MAPK8: variants seen among roughly 807,000 people sequenced by gnomAD.
MAPK8 encodes mitogen-activated protein kinase 8.
A neutral mutation model predicts 52.9 loss-of-function variants in MAPK8; 13 were observed. The observed-to-expected ratio is 0.25, with a 90% confidence interval of 0.16 to 0.39. The LOEUF is 0.39. Among genes scored for constraint, MAPK8 ranks in the 10% least tolerant of loss-of-function variants. The pLI is 1.00. For synonymous variants in MAPK8, 191 were observed against 169.8 expected (o/e 1.12, Z -0.97); for missense variants, 300 against 519.2 (o/e 0.58, Z 4.10).
intron 1 of MAPK8, among the ~76,000 whole-genome samples, chr10:48,321,452 C>A (rs1465666576): frequency 6.6e-6 from 1 of 152,110 alleles, no homozygotes; most frequent in Non-Finnish European, 1.5e-5. Context: ...ATATTTTCTC[C>A]TGTTTCAGAG....
chr10:48,405,068 G>T, intron 3 of MAPK8, 87 bp downstream of exon 3: 1 of 688,476 alleles, frequency 1.5e-6, no homozygotes, highest in Non-Finnish European at 2.3e-6. Flanking sequence ...AATATTAGGG[G>T]CTTTAAATTG....
At chr10:48,396,835 T>C (rs1255716193) in intron 1 of MAPK8, among the ~76,000 whole-genome samples, 2 of 152,238 alleles carry the variant, frequency 1.3e-5, no homozygotes, top group Non-Finnish European at 2.9e-5. Context: ...TGTCTTCTTA[T>C]GAGTTTTAAG....
intron 1 of MAPK8, among the ~76,000 whole-genome samples, chr10:48,382,777 A>G (rs756410158): frequency 3.6e-4 from 53 of 147,254 alleles, no homozygotes; most frequent in Non-Finnish European, 6.0e-4. Context: ...TATATATTAT[A>G]TATCTTTATA....
chr10:48,356,725 C>A (rs1846981110), intron 1 of MAPK8, among the ~76,000 whole-genome samples: 1 of 151,136 alleles, frequency 6.6e-6, no homozygotes, highest in Non-Finnish European at 1.5e-5. Context: ...GCCTGTAATC[C>A]CAGCTGCTTG....
intron 1 of MAPK8, among the ~76,000 whole-genome samples, chr10:48,356,099 G>C (rs1846905655): frequency 6.6e-6 from 1 of 152,174 alleles, no homozygotes; most frequent in Non-Finnish European, 1.5e-5. Flanking sequence ...CAGGAGGCCA[G>C]AGATACAAGA....
intron 1 of MAPK8, among the ~76,000 whole-genome samples, chr10:48,328,358 C>CT (rs1018544040): frequency 8.8e-5 from 13 of 147,502 alleles, no homozygotes; most frequent in African/African-American, 3.3e-4. Context: ...GACTGTAATT[C>CT]TTTTTTTTCT....
At chr10:48,326,410 T>C (rs111277146) in intron 1 of MAPK8, among the ~76,000 whole-genome samples, 294 of 152,284 alleles carry the variant, frequency 1.9e-3, no homozygotes, top group African/African-American at 6.6e-3. Flanking sequence ...AGCACTTACT[T>C]TCTGGCACTG....
intron 1 of MAPK8, among the ~76,000 whole-genome samples, chr10:48,315,719 GCCCC>G (rs1275134518): frequency 6.7e-6 from 1 of 149,014 alleles, no homozygotes; most frequent in Non-Finnish European, 1.5e-5. Flanking sequence ...TAAATAATAA[GCCCC>G]CTGTAGAATA....
At chr10:48,398,652 A>G (rs779703283) in intron 1 of MAPK8, among the ~76,000 whole-genome samples, 2 of 152,258 alleles carry the variant, frequency 1.3e-5, no homozygotes, top group Admixed American at 6.5e-5. Context: ...AAAACTGTAA[A>G]CAGTTGAAAT....
At chr10:48,433,509 A>G (rs2044545510) in intron 11 of MAPK8, among the ~76,000 whole-genome samples, 1 of 152,060 alleles carries the variant, frequency 6.6e-6, no homozygotes. Context: ...AAGCTAATGG[A>G]CCTTTCTTGG....
At chr10:48,409,064 G>C (rs961006368) in intron 3 of MAPK8, among the ~76,000 whole-genome samples, 12 of 152,142 alleles carry the variant, frequency 7.9e-5, no homozygotes, top group Admixed American at 7.2e-4. Context: ...TTGGGTGCTA[G>C]GAGTTAAACA....
intron 6 of MAPK8, among the ~76,000 whole-genome samples, chr10:48,423,615 A>G (rs569926802): frequency 2.0e-5 from 3 of 152,254 alleles, no homozygotes; most frequent in East Asian, 3.9e-4. Context: ...ATTCATAGAG[A>G]TTATTTCTGT....
chr10:48,318,963 G>T (rs1350177047), intron 1 of MAPK8, among the ~76,000 whole-genome samples: 1 of 152,216 alleles, frequency 6.6e-6, no homozygotes, highest in Non-Finnish European at 1.5e-5. Flanking sequence ...TGAGAATTCA[G>T]AGAATAATAG....
At chr10:48,393,466 A>T (rs1290100353) in intron 1 of MAPK8, among the ~76,000 whole-genome samples, 3 of 152,142 alleles carry the variant, frequency 2.0e-5, no homozygotes, top group African/African-American at 4.8e-5. Context: ...TGTAAGATGG[A>T]AAAAATGTAG....
At chr10:48,336,592 A>G (rs1844712623) in intron 1 of MAPK8, among the ~76,000 whole-genome samples, 3 of 152,198 alleles carry the variant, frequency 2.0e-5, no homozygotes, top group Non-Finnish European at 2.9e-5. Flanking sequence ...ATATTTATTC[A>G]TCAGTTCATT....
rs1361091982 is a variant in MAPK8, at chr10:48,438,411, T to C, written c.*3382T>C. Reference sequence around the variant, plus strand: ...AGAAATGTATAGTTTGGGGTACGATTAGAAAACTCGTAAGGAAAACAGAAG... The same window carrying C: ...AGAAATGTATAGTTTGGGGTACGATCAGAAAACTCGTAAGGAAAACAGAAG... On this transcript the variant is annotated 3_prime_UTR_variant, in exon 12 of 12. Transcript: ENST00000374189. 1 of 152,248 alleles carries C rather than the reference T, an allele frequency of 6.6e-6. No individual in the cohort carries two copies. Among genetic ancestry groups the C allele is most frequent in the Non-Finnish European group, 1.5e-5 (1 of 68,046 alleles). 9.4% of individuals were successfully genotyped at this position (152,248 alleles called of 1,614,324 possible). A position where few individuals can be genotyped will look rare whatever the true frequency, so the allele number is the denominator to read the frequency against.
intron 10 of MAPK8, chr10:48,430,898 A>G (rs1589299466): frequency 2.4e-6 from 1 of 410,284 alleles, no homozygotes; most frequent in East Asian, 5.6e-5. Context: ...CTGTAGCACA[A>G]GTTGCTGGTA....
intron 1 of MAPK8, among the ~76,000 whole-genome samples, chr10:48,328,737 A>T (rs1229778286): frequency 6.6e-6 from 1 of 152,248 alleles, no homozygotes; most frequent in Non-Finnish European, 1.5e-5. Flanking sequence ...TCTTAAAAAC[A>T]GAACATTTTC....
intron 1 of MAPK8, among the ~76,000 whole-genome samples, chr10:48,361,450 C>T (rs1157290943): frequency 6.6e-6 from 1 of 152,120 alleles, no homozygotes; most frequent in Non-Finnish European, 1.5e-5. Flanking sequence ...GACCTCATGT[C>T]CTTTTCTAGG....
Sources: allele counts gnomAD v4.1 joint callset (sites outside exome capture counted in the v4.1 genomes callset), GRCh38; gene constraint gnomAD v4.1.1; transcripts MANE v1.5; gene names NCBI Gene and HGNC (gene_info 2026-07-23, HGNC 2026-07-21).